KIF26A: variants seen among roughly 807,000 people sequenced by gnomAD.
KIF26A encodes the protein kinesin family member 26A.
KIF26A carries 74 observed loss-of-function variants against 126.0 expected under a neutral mutation model. The ratio of observed to expected loss-of-function variants is 0.59; its 90% confidence interval spans 0.49 to 0.71. The LOEUF (loss-of-function observed/expected upper bound fraction) is 0.71, where lower values mean the gene tolerates loss of function less well. Among genes scored for constraint, KIF26A ranks in the 30% least tolerant of loss-of-function variants. The pLI is 0.00. For synonymous variants in KIF26A, 1,445 were observed against 1,232.7 expected, an observed-to-expected ratio of 1.17 and a Z score of -3.61; for missense variants, 2,984 against 2,763.3, an observed-to-expected ratio of 1.08 and a Z score of -1.79.
chr14:104,172,682 C>T lies in KIF26A; in HGVS notation c.1420+14C>T. On this transcript the variant is annotated intron_variant, in intron 7 of 14. Coordinates refer to ENST00000423312, the MANE Select transcript of KIF26A (RefSeq NM_015656.2). The stretch of plus-strand genomic sequence containing the variant: ...ACATGAGCCTGGGTAAGCACCCTTG[C>T]CCCACCCTAGATGGGTCCTGCTGGC... The T allele has an allele frequency of 3.1e-6, 5 of 1,595,122 alleles. No homozygotes were observed. The highest frequency in any genetic ancestry group is 2.6e-6 in the Non-Finnish European group (3 of 1,164,776).
At position 104,172,135 on chromosome 14, in the gene KIF26A, C is replaced by T. The variant is rs1042421762; in HGVS notation, c.1326+200C>T. Among the ~76,000 whole-genome samples the T allele has an allele frequency of 3.3e-5, 5 of 152,366 alleles. No individual in the cohort carries two copies. The South Asian group carries it at 6.2e-4, about 19-fold the overall frequency. ...CTTGGGTGTCTCCATCCGCCCCTGC[C>T]GAGGCTCTGGGCCAAGTCCACAGGG... On this transcript the variant is annotated intron_variant, in intron 6 of 14. Transcript: ENST00000423312.
chr14:104,170,990 T>G (rs1890982), intron 5 of KIF26A, among the ~76,000 whole-genome samples: 117,137 of 152,262 alleles, frequency 0.77, 45,924 homozygotes, highest in African/African-American at 0.94. Flanking sequence ...GGGAGGTCAG[T>G]CTGGAAGCCC....
chr14:104,144,617 T>A (rs1017224176), intron 2 of KIF26A, among the ~76,000 whole-genome samples: 2 of 152,218 alleles, frequency 1.3e-5, no homozygotes, highest in African/African-American at 4.8e-5. Context: ...AAAGTCTAGT[T>A]CTTCTCTTCC....
chr14:104,141,813 G>A (rs1240169870), intron 2 of KIF26A, among the ~76,000 whole-genome samples: 3 of 152,194 alleles, frequency 2.0e-5, no homozygotes, highest in South Asian at 2.1e-4. Context: ...CTGGGCCCTT[G>A]CCCACCCTCC....
chr14:104,143,848 G>A (rs1232494257), intron 2 of KIF26A, among the ~76,000 whole-genome samples: 2 of 152,230 alleles, frequency 1.3e-5, no homozygotes, highest in Non-Finnish European at 2.9e-5. Context: ...TCCCAGCTGA[G>A]CCCAGGTGTC....
At chr14:104,154,204 G>A (rs984982086) in intron 3 of KIF26A, among the ~76,000 whole-genome samples, 2 of 151,960 alleles carry the variant, frequency 1.3e-5, no homozygotes, top group African/African-American at 2.4e-5. Flanking sequence ...CCCCTGGGTC[G>A]AATGAGATTG....
chr14:104,177,606 C>T lies in KIF26A; in HGVS notation c.4818C>T (p.Gly1606=). The part of the protein sequence containing the change: ...VNVGEERPPT[G]PALPSPYSKV... ...TGGGGGAGGAGCGGCCACCCACGGG[C>T]CCGGCCCTGCCCTCCCCCTACAGCA... The change falls in exon 12 of 15, where the codon GGC becomes GGT. Residue 1606 remains glycine, a synonymous_variant. Coordinates refer to ENST00000423312, the MANE Select transcript of KIF26A (RefSeq NM_015656.2). 1.3e-6 allele frequency: 2 copies of T among 1,527,752 alleles called. No individual in the cohort carries two copies. Among genetic ancestry groups the T allele is most frequent in the Non-Finnish European group, 1.8e-6 (2 of 1,142,246 alleles). 94.6% of individuals were successfully genotyped at this position (1,527,752 alleles called of 1,614,324 possible).
intron 5 of KIF26A, 116 bp downstream of exon 5, chr14:104,167,164 G>A: frequency 8.6e-7 from 1 of 1,167,470 alleles, no homozygotes; most frequent in Non-Finnish European, 1.2e-6. Context: ...TTGGATAAGG[G>A]TGGTCAGTGG....
intron 2 of KIF26A, among the ~76,000 whole-genome samples, chr14:104,141,503 G>A (rs890733291): frequency 6.6e-6 from 1 of 152,192 alleles, no homozygotes; most frequent in South Asian, 2.1e-4. Flanking sequence ...CTTCCTGCCT[G>A]TCTCCGTTGT....
Position 104,178,678 on chromosome 14 carries a change from G to A in KIF26A, c.5239G>A (p.Glu1747Lys), listed in dbSNP as rs373553867. 2.4e-5 allele frequency: 37 copies of A among 1,562,330 alleles called. No individual in the cohort carries two copies. The South Asian group carries it at 2.9e-4, about 12-fold the overall frequency. The change falls in exon 13 of 15, where the codon GAG becomes AAG. Residue 1747 changes from glutamate (E) to lysine (K), a missense_variant. Glu to Lys is a moderately conservative substitution (Grantham distance 56). Transcript: ENST00000423312. ...GGCTGGCTCCCTGAAGGAGCCGTTC[G>A]AGATCAAGGTGTACGAGATCGATGA... ...PLAGSLKEPF[E>K]IKVYEIDDVE...
chr14:104,158,025 T>C, intron 4 of KIF26A, 83 bp downstream of exon 4: 1 of 1,301,450 alleles, frequency 7.7e-7, no homozygotes, highest in Non-Finnish European at 1.0e-6. Context: ...TATGGGCCGT[T>C]CTTGGGGGAC....
intron 13 of KIF26A, among the ~76,000 whole-genome samples, 187 bp downstream of exon 13, chr14:104,178,942 T>C (rs2038068656): frequency 6.6e-6 from 1 of 152,076 alleles, no homozygotes; most frequent in Admixed American, 6.5e-5. Flanking sequence ...CCAAGCCTGT[T>C]GCAGCTCCGA....
chr14:104,176,063 A>AC lies in KIF26A; in HGVS notation c.3275_3276insC (p.Glu1092AspfsTer35). 1.3e-6 allele frequency: 2 copies of AC among 1,596,530 alleles called. No homozygotes were observed. The highest frequency in any genetic ancestry group is 1.7e-6 in the Non-Finnish European group (2 of 1,174,554). On this transcript the variant is annotated frameshift_variant, in exon 12 of 15. Transcript: ENST00000423312. LOFTEE classifies it high-confidence loss of function. ...GACGCCTACACCTCTCAGGCCCCTG[A>AC]GGGGGGGCCCCTGGAGGGGGCAGCC...
chr14:104,164,299 C>CG (rs1375236486), intron 4 of KIF26A, among the ~76,000 whole-genome samples: 1 of 142,696 alleles, frequency 7.0e-6, no homozygotes, highest in Non-Finnish European at 1.5e-5. Flanking sequence ...CAGGGTGGGT[C>CG]GGGGGAGCGC....
chr14:104,175,379 C>T lies in KIF26A; in HGVS notation c.2591C>T (p.Thr864Ile). Residue 864 changes from threonine (T) to isoleucine (I), a missense_variant, in exon 12 of 15, where the codon ACC becomes ATC. Coordinates refer to ENST00000423312, the MANE Select transcript of KIF26A (RefSeq NM_015656.2). The part of the protein sequence containing the change: ...NEGPSGGPGG[T>I]DGAQASPARG... The stretch of plus-strand genomic sequence containing the variant: ...GGTCCCTCAGGAGGTCCAGGTGGCA[C>T]CGACGGAGCTCAGGCCAGCCCCGCC... The T allele has an allele frequency of 6.3e-7, 1 of 1,598,820 alleles. No individual in the cohort carries two copies.
Position 104,166,973 on chromosome 14 carries a change from G to C in KIF26A, c.1038G>C (p.Leu346=). 6.3e-7 allele frequency: 1 copy of C among 1,587,312 alleles called. No individual in the cohort carries two copies. The highest frequency in any genetic ancestry group is 1.3e-5 in the African/African-American group (1 of 74,532). Residue 346 remains leucine (L), a synonymous_variant, in exon 5 of 15, where the codon CTG becomes CTC. Coordinates refer to ENST00000423312, the MANE Select transcript of KIF26A (RefSeq NM_015656.2). ...YPTDFSGVLQ[L]WPPPAPPCLL... is the part of the protein sequence containing the mutation. ...CCGACTTCAGCGGGGTCCTGCAGCT[G>C]TGGCCGCCCCCGGCGCCCCCCTGCC...
chr14:104,150,581 C>T lies in KIF26A; in HGVS notation c.289-1434C>T, dbSNP rs938000817. The stretch of plus-strand genomic sequence containing the variant: ...AAGGGCCCAGCCAGCCAAGGGCAGG[C>T]TCAAGGAATGTGGGTGGGGTGACTA... On this transcript the variant is annotated intron_variant, in intron 2 of 14. Transcript: ENST00000423312. Among the ~76,000 whole-genome samples, 20 of 152,226 alleles carry T rather than the reference C, an allele frequency of 1.3e-4. No individual in the cohort carries two copies. In the South Asian group the frequency reaches 1.5e-3, roughly 11 times the overall value.
rs377133276 is a variant in KIF26A, at chr14:104,175,273, G to C, written c.2485G>C (p.Gly829Arg). The C allele has an allele frequency of 3.7e-6, 6 of 1,606,364 alleles. No homozygotes were observed. The highest frequency in any genetic ancestry group is 1.3e-5 in the African/African-American group (1 of 74,928). The change falls in exon 12 of 15, where the codon GGT (glycine) becomes CGT (arginine). Residue 829 changes from glycine (G) to arginine (R), a missense_variant. Gly to Arg is a moderately radical substitution (Grantham distance 125). Transcript: ENST00000423312. ...PALSRHRPSK[G>R]PRDADHFRCS... Reference sequence around the variant, plus strand: ...CCTGAGCCGCCACCGGCCCTCCAAGGGTCCCCGAGACGCAGACCACTTCCG... The same window carrying C: ...CCTGAGCCGCCACCGGCCCTCCAAGCGTCCCCGAGACGCAGACCACTTCCG...
At chr14:104,159,726 C>T (rs1022508949) in intron 4 of KIF26A, among the ~76,000 whole-genome samples, 9 of 152,310 alleles carry the variant, frequency 5.9e-5, no homozygotes, top group East Asian at 1.9e-4. Flanking sequence ...GCGGCTTCTG[C>T]GAGGCCACTG....
Sources: gnomAD v4.1 joint callset for allele counts (sites outside exome capture counted in the v4.1 genomes callset) on GRCh38, gnomAD v4.1.1 for gene constraint, MANE v1.5 for transcripts, NCBI Gene and HGNC (gene_info 2026-07-23, HGNC 2026-07-21) for gene names.